The following IKZF1 variants were observed in gnomAD, a reference collection of about 807,000 sequenced individuals.
IKZF1 encodes the protein DNA-binding protein Ikaros.
IKZF1 carries 10 observed loss-of-function variants against 51.7 expected under a neutral mutation model. The observed-to-expected ratio is 0.19, with a 90% CI of 0.12 to 0.33. IKZF1 has a LOEUF of 0.33. Ranked by LOEUF, IKZF1 falls within the 10% of genes least tolerant of loss-of-function variation. The probability of loss-of-function intolerance (pLI) is 1.00; values close to 1 mark genes in which losing one functional copy is unlikely to be tolerated. For missense variants in IKZF1, 484 were observed against 707.5 expected (o/e 0.68, Z 3.58); for synonymous variants, 280 against 282.3 (o/e 0.99, Z 0.08).
At position 50,334,483 on chromosome 7, in the gene IKZF1, T is replaced by C. The variant is rs933281106; in HGVS notation, c.160+6726T>C. 2.0e-5 allele frequency among the ~76,000 whole-genome samples: 3 copies of C among 152,064 alleles called. No individual in the cohort carries two copies. The East Asian group carries it at 5.8e-4, about 29-fold the overall frequency. ...TGCATGTAGTTGTATGTTGTGTGTG[T>C]CATATGTTTGTGTGTGCATGTATGT... On this transcript the variant is annotated intron_variant, in intron 3 of 7. Coordinates refer to ENST00000331340, the MANE Select transcript of IKZF1 (RefSeq NM_006060.6).
chr7:50,343,729 C>T (rs1799662789), intron 3 of IKZF1, among the ~76,000 whole-genome samples: 1 of 152,240 alleles, frequency 6.6e-6, no homozygotes, highest in Non-Finnish European at 1.5e-5. Context: ...AGGCCTAATG[C>T]ACCAGCACAC....
rs543418337 is a variant in IKZF1, at chr7:50,350,895, G to T, written c.160+23138G>T. The stretch of plus-strand genomic sequence containing the variant: ...CAGAGGCAGTCTCACATTCAGCTGC[G>T]CTGGGGCCAAGGACCCAGGGAGCCA... On this transcript the variant is annotated intron_variant, in intron 3 of 7. Transcript: ENST00000331340. 8.6e-4 allele frequency among the ~76,000 whole-genome samples: 131 copies of T among 152,304 alleles called. 1 individual carries two copies. The South Asian group carries it at 0.027, about 31-fold the overall frequency.
chr7:50,359,614 G>A (rs919241357), intron 3 of IKZF1, among the ~76,000 whole-genome samples: 2 of 152,352 alleles, frequency 1.3e-5, no homozygotes, highest in East Asian at 1.9e-4. Flanking sequence ...TAGAAAGGGC[G>A]ATCTCTGTGT....
chr7:50,341,145 CTT>C (rs1330095012), intron 3 of IKZF1, among the ~76,000 whole-genome samples: 3 of 133,818 alleles, frequency 2.2e-5, no homozygotes, highest in African/African-American at 2.8e-5. Flanking sequence ...GGTATGGAGT[CTT>C]TTTTTTTTTT....
rs1277173423 is a variant in IKZF1 at position 50,400,206 on chromosome 7, A to G, written c.1139A>G (p.Lys380Arg). The G allele has an allele frequency of 6.3e-7, 1 of 1,583,684 alleles. No individual in the cohort carries two copies. The highest frequency in any genetic ancestry group is 1.3e-5 in the African/African-American group (1 of 74,218). Residue 380 changes from lysine to arginine, a missense_variant, in exon 8 of 8, where the codon AAG (lysine) becomes AGG (arginine). By Grantham distance (26) the Lys-to-Arg change is conservative (BLOSUM62 2). This residue lies in a region of IKZF1 where 27 missense variants were observed against 56.8 expected (regional missense o/e 0.48). Transcript: ENST00000331340. This position sits in a 1 kb window ranked among gnomAD's most constrained non-coding sequence, Gnocchi z 5.4. ...VENLLLLSKA[K>R]LVPSEREASP... is the part of the protein sequence containing the mutation. ...AACCTGCTGCTGCTCTCCAAGGCCA[A>G]GTTGGTGCCCTCGGAGCGCGAGGCG...
At chr7:50,386,605 G>A (rs976409664) in intron 5 of IKZF1, among the ~76,000 whole-genome samples, 15 of 151,540 alleles carry the variant, frequency 9.9e-5, no homozygotes, top group Non-Finnish European at 1.8e-4. Flanking sequence ...ATGAGAATAC[G>A]TATACATAGA....
chr7:50,309,772 G>A (rs1789708771), intron 1 of IKZF1, among the ~76,000 whole-genome samples: 1 of 152,180 alleles, frequency 6.6e-6, no homozygotes, highest in African/African-American at 2.4e-5. Context: ...CAAACCTAGA[G>A]CAAATAAAAT....
chr7:50,354,050 C>A (rs1352651084), intron 3 of IKZF1, among the ~76,000 whole-genome samples: 5 of 152,316 alleles, frequency 3.3e-5, no homozygotes, highest in African/African-American at 9.6e-5. Context: ...TTTGTGTGCT[C>A]TGCCAGGTTC....
At chr7:50,323,927 A>G (rs1364253470) in intron 2 of IKZF1, among the ~76,000 whole-genome samples, 1 of 152,188 alleles carries the variant, frequency 6.6e-6, no homozygotes. Flanking sequence ...CACTTGAGGA[A>G]AGGAGTCTTA....
intron 3 of IKZF1, among the ~76,000 whole-genome samples, chr7:50,342,886 G>A (rs974429852): frequency 3.3e-5 from 5 of 152,304 alleles, no homozygotes; most frequent in Middle Eastern, 3.4e-3. Context: ...TGTGGCGGCT[G>A]CATTTCCTGA....
intron 7 of IKZF1, among the ~76,000 whole-genome samples, chr7:50,396,352 C>A (rs1816701783): frequency 6.6e-6 from 1 of 152,084 alleles, no homozygotes; most frequent in Admixed American, 6.5e-5. Flanking sequence ...TATTTTTAAT[C>A]CATGCATTAA....
In IKZF1 at chr7:50,319,504, C is replaced by T. The variant is rs1792547813; in HGVS notation, c.40+403C>T. Among the ~76,000 whole-genome samples the T allele has an allele frequency of 2.0e-5, 3 of 152,264 alleles. No individual in the cohort carries two copies. The South Asian group carries it at 6.2e-4, about 32-fold the overall frequency. On this transcript the variant is annotated intron_variant, in intron 2 of 7. Coordinates refer to ENST00000331340, the MANE Select transcript of IKZF1 (RefSeq NM_006060.6). ...ACTGTTTGTTCATTAAGCATGGACA[C>T]AACATTGCTCCCCTTTGCCATATAT... is the stretch of plus-strand genomic sequence containing the variant.
intron 3 of IKZF1, among the ~76,000 whole-genome samples, chr7:50,355,619 G>A (rs967963239): frequency 1.1e-4 from 16 of 147,506 alleles, no homozygotes; most frequent in East Asian, 4.0e-4. Flanking sequence ...GTTAGCTTGC[G>A]AATAAATAAA....
At chr7:50,340,423 C>T (rs1335169432) in intron 3 of IKZF1, among the ~76,000 whole-genome samples, 2 of 152,210 alleles carry the variant, frequency 1.3e-5, no homozygotes, top group Non-Finnish European at 2.9e-5. Context: ...CGGTGTCACT[C>T]CTCACCAGGC....
At chr7:50,351,740 C>G (rs1801899095) in intron 3 of IKZF1, among the ~76,000 whole-genome samples, 1 of 152,174 alleles carries the variant, frequency 6.6e-6, no homozygotes, top group Non-Finnish European at 1.5e-5. Context: ...CTTAATCCAG[C>G]ATTTAGGGGA....
intron 3 of IKZF1, among the ~76,000 whole-genome samples, chr7:50,363,224 C>T (rs1484723182): frequency 6.6e-6 from 1 of 152,172 alleles, no homozygotes; most frequent in Admixed American, 6.5e-5. Context: ...GGATCAAGCC[C>T]TGGTGGAGCC....
intron 3 of IKZF1, among the ~76,000 whole-genome samples, chr7:50,334,547 G>T (rs1797171871): frequency 6.6e-6 from 1 of 150,998 alleles, no homozygotes; most frequent in Non-Finnish European, 1.5e-5. Context: ...ATATGTGTAT[G>T]CTGTGTATAT....
intron 3 of IKZF1, among the ~76,000 whole-genome samples, chr7:50,336,958 T>G (rs1797938053): frequency 6.6e-6 from 1 of 150,922 alleles, no homozygotes; most frequent in Non-Finnish European, 1.5e-5. Flanking sequence ...GGAGACAGAG[T>G]GAGTTGTGTG....
Position 50,403,503 on chromosome 7 carries a change from G to T in IKZF1, c.*2876G>T, listed in dbSNP as rs1427735204. The T allele has an allele frequency of 4.4e-6, 1 of 229,124 alleles. No homozygotes were observed. Among genetic ancestry groups the T allele is most frequent in the African/African-American group, 2.2e-5 (1 of 45,050 alleles). The allele number at this position is 229,124 out of a possible 1,614,324, so 14.2% of individuals were successfully genotyped here. On this transcript the variant is annotated 3_prime_UTR_variant, in exon 8 of 8. Coordinates refer to ENST00000331340, the MANE Select transcript of IKZF1 (RefSeq NM_006060.6). ...TTACAGCTAGTAATCGCTGTGTCTT[G>T]TTCCGCCCCCTCCCTGACACCCCAG...
Sources: allele counts gnomAD v4.1 joint callset (sites outside exome capture counted in the v4.1 genomes callset), GRCh38; gene constraint gnomAD v4.1.1; regional missense constraint gnomAD v4.1.1; non-coding constraint Gnocchi (gnomAD v3.1); transcripts MANE v1.5; gene names NCBI Gene and HGNC (gene_info 2026-07-23, HGNC 2026-07-21).